Variants in SERAC1 observed in about 807,000 individuals in gnomAD.
SERAC1 encodes the protein protein SERAC1.
SERAC1 carries 36 observed loss-of-function variants against 85.7 expected under a neutral mutation model. That is an observed-to-expected ratio of 0.42 (90% CI 0.32 to 0.55). The LOEUF (loss-of-function observed/expected upper bound fraction) is 0.55. SERAC1 is among the 20% of genes least tolerant of loss of function. SERAC1 has a pLI of 0.11. For synonymous variants in SERAC1, 242 were observed against 265.3 expected, an observed-to-expected ratio of 0.91 and a Z score of 0.85; for missense variants, 629 against 796.2, an observed-to-expected ratio of 0.79 and a Z score of 2.53.
chr6:158,131,240 T>C (rs954940633), intron 8 of SERAC1, among the ~76,000 whole-genome samples: 3 of 149,508 alleles, frequency 2.0e-5, no homozygotes, highest in Non-Finnish European at 4.4e-5. Context: ...GTCATAAACA[T>C]AAAGTTGTTA....
In SERAC1 at chr6:158,113,780, G is replaced by A. The variant is rs114590601; in HGVS notation, c.1685-188C>T. Among the ~76,000 whole-genome samples, 244 of 152,226 alleles carry A rather than the reference G, an allele frequency of 1.6e-3. 1 individual carries two copies. The highest frequency in any genetic ancestry group is 5.6e-3 in the African/African-American group (232 of 41,532). On this transcript the variant is annotated intron_variant, in intron 15 of 16. Transcript: ENST00000647468. ...AAGGAAAAAGCTAAAACCAAGAATC[G>A]ACAGGACAGTCAGCAGCAGGAGAGG...
At chr6:158,140,523 C>T (rs532669971) in intron 8 of SERAC1, among the ~76,000 whole-genome samples, 1 of 152,276 alleles carries the variant, frequency 6.6e-6, no homozygotes, top group South Asian at 2.1e-4. Flanking sequence ...GCTGTCCATC[C>T]CTCTCCTCTG....
rs1784327346 is a variant in SERAC1, at chr6:158,117,790, C to T, written c.1340G>A (p.Arg447Gln). The change falls in exon 13 of 17, where the codon CGA (arginine) becomes CAA (glutamine). Residue 447 changes from arginine to glutamine, a missense_variant. Arg to Gln is a conservative substitution (Grantham distance 43). Coordinates refer to ENST00000647468, the MANE Select transcript of SERAC1 (RefSeq NM_032861.4). This position sits in a 1 kb window ranked among gnomAD's most constrained non-coding sequence, Gnocchi z 4.3. ...GGTGTCATACTCCACAGATATAATT[C>T]GGAGAGCAGGACAGTCTTTTGCTAA... is the stretch of plus-strand genomic sequence containing the variant. ...TWLAKDCPAL[R>Q]IISVEYDTSL... is the part of the protein sequence containing the mutation. 5 of 1,613,890 alleles carry T rather than the reference C, an allele frequency of 3.1e-6. No individual in the cohort carries two copies. The highest frequency in any genetic ancestry group is 1.3e-5 in the African/African-American group (1 of 74,902).
chr6:158,144,496 C>A, intron 6 of SERAC1, 76 bp from the exon 7 acceptor site: 1 of 1,373,258 alleles, frequency 7.3e-7, no homozygotes. Context: ...GAACAAACAA[C>A]TTGAAAGCAC....
rs1784136434 is a variant in SERAC1 at position 158,111,249 on chromosome 6, G to A, written c.*117C>T. The A allele has an allele frequency of 1.0e-6, 1 of 1,005,020 alleles. No homozygotes were observed. Among genetic ancestry groups the A allele is most frequent in the Non-Finnish European group, 1.4e-6 (1 of 694,168 alleles). The allele number at this position is 1,005,020 out of a possible 1,614,324, so 62.3% of individuals were successfully genotyped here. ...GTTCTGTAGTCTGCAACACACTCCA[G>A]ACCATGTTGACGCTATGATCACTAT... On this transcript the variant is annotated 3_prime_UTR_variant, in exon 17 of 17. Transcript: ENST00000647468.
Position 158,119,082 on chromosome 6 carries a change from C to T in SERAC1, c.1255G>A (p.Val419Ile), listed in dbSNP as rs1453031942. 12 of 1,613,914 alleles carry T rather than the reference C, an allele frequency of 7.4e-6. No homozygotes were observed. The highest frequency in any genetic ancestry group is 9.3e-6 in the Non-Finnish European group (11 of 1,179,960). Reference protein sequence around the residue: ...TWRQQDSEQAVIEKPMEDEDR... With the variant: ...TWRQQDSEQAIIEKPMEDEDR... ...TCATCCTCCATAGGTTTTTCAATTACAGCCTGCTCACTGTCCTGCTGGCGC... is the reference window on the plus strand; with the variant it reads ...TCATCCTCCATAGGTTTTTCAATTATAGCCTGCTCACTGTCCTGCTGGCGC... The change falls in exon 12 of 17, where the codon GTA becomes ATA. Residue 419 changes from valine to isoleucine, a missense_variant. Coordinates refer to ENST00000647468, the MANE Select transcript of SERAC1 (RefSeq NM_032861.4). The surrounding 1 kb of genome is among the most constrained non-coding windows in gnomAD (Gnocchi z 4.5).
At chr6:158,116,889 A>G (rs1031329598) in intron 13 of SERAC1, 2 of 152,888 alleles carry the variant, frequency 1.3e-5, no homozygotes, top group African/African-American at 4.8e-5. Flanking sequence ...AGTCAAGTTT[A>G]TTAGCACTTA....
At chr6:158,138,818 A>G (rs905161139) in intron 8 of SERAC1, among the ~76,000 whole-genome samples, 4 of 152,262 alleles carry the variant, frequency 2.6e-5, no homozygotes, top group Non-Finnish European at 5.9e-5. Context: ...ACTTGGCATG[A>G]CAGGGTTGTG....
chr6:158,168,065 TCTCCGCTCCC>T (rs1289610959), intron 1 of SERAC1, 65 bp downstream of exon 1: 1 of 151,960 alleles, frequency 6.6e-6, no homozygotes, highest in African/African-American at 2.4e-5. Context: ...CCCTCCCCAT[TCTCCGCTCCC>T]CACCGCGCCC....
At chr6:158,123,007 CA>C (rs935283839) in intron 10 of SERAC1, among the ~76,000 whole-genome samples, 3 of 151,662 alleles carry the variant, frequency 2.0e-5, no homozygotes, top group Non-Finnish European at 2.9e-5. Flanking sequence ...AATCTGAAGG[CA>C]AAAATCTGCA....
At position 158,143,329 on chromosome 6, in the gene SERAC1, CTCTCTCTCTCTCTCTCTCTATA is replaced by C. The variant is rs1395027105; in HGVS notation, c.610-167_610-146del. On this transcript the variant is annotated intron_variant, in intron 7 of 16. Coordinates refer to ENST00000647468, the MANE Select transcript of SERAC1 (RefSeq NM_032861.4). ...TGTCTCTCTCTCTCTCTCTCTCTCT[CTCTCTCTCTCTCTCTCTCTATA>C]TATATATATATATATATATATATAC... The C allele has an allele frequency of 7.6e-3, 1,667 of 220,002 alleles. 7 individuals are homozygous for C. Among genetic ancestry groups the C allele is most frequent in the Admixed American group, 0.013 (135 of 10,212 alleles). 13.6% of individuals were successfully genotyped at this position (220,002 alleles called of 1,614,324 possible). A position where few individuals can be genotyped will look rare whatever the true frequency, so the allele number is the denominator to read the frequency against.
intron 15 of SERAC1, 109 bp from the exon 16 acceptor site, chr6:158,113,701 G>T: frequency 1.0e-6 from 1 of 1,000,524 alleles, no homozygotes; most frequent in South Asian, 1.7e-5. Flanking sequence ...ATTCAAGACG[G>T]TGGCTTGAGT....
chr6:158,158,785 C>G (rs1010890626), intron 1 of SERAC1: 2 of 154,956 alleles, frequency 1.3e-5, no homozygotes, highest in African/African-American at 4.8e-5. Flanking sequence ...GAAGTCCCCA[C>G]AGAAATGAGA....
chr6:158,114,340 G>A (rs1390340228), intron 15 of SERAC1: 8 of 269,436 alleles, frequency 3.0e-5, no homozygotes, highest in Middle Eastern at 1.7e-3. Flanking sequence ...ATTTAGGCTC[G>A]AGCCAGGGAA....
intron 8 of SERAC1, among the ~76,000 whole-genome samples, chr6:158,142,167 C>CT (rs894334989): frequency 0.012 from 1,685 of 146,064 alleles, 24 homozygotes; most frequent in African/African-American, 0.032. Flanking sequence ...TTTTTCTTTT[C>CT]TTTTTTTTTT....
chr6:158,150,377 GT>G (rs1473973106), intron 4 of SERAC1, 75 bp downstream of exon 4: 1 of 1,208,696 alleles, frequency 8.3e-7, no homozygotes, highest in Non-Finnish European at 1.2e-6. Context: ...CTAATACTGT[GT>G]TTTAAATAGA....
At position 158,117,759 on chromosome 6, in the gene SERAC1, G is replaced by A. The variant is rs1158668237; in HGVS notation, c.1371C>T (p.Leu457=). The A allele has an allele frequency of 1.2e-6, 2 of 1,614,140 alleles. No homozygotes were observed. Among genetic ancestry groups the A allele is most frequent in the Non-Finnish European group, 8.5e-7 (1 of 1,179,998 alleles). Residue 457 remains leucine (L), a synonymous_variant, in exon 13 of 17, where the codon CTC becomes CTT. Transcript: ENST00000647468. The surrounding 1 kb of genome is among the most constrained non-coding windows in gnomAD (Gnocchi z 4.3). The stretch of plus-strand genomic sequence containing the variant: ...TAGGGCACCTTGCTCTCCAGTCGCT[G>A]AGGCTGGTGTCATACTCCACAGATA... ...RIISVEYDTS[L]SDWRARCPME...
At chr6:158,138,828 G>T (rs1003618243) in intron 8 of SERAC1, among the ~76,000 whole-genome samples, 1 of 152,290 alleles carries the variant, frequency 6.6e-6, no homozygotes, top group South Asian at 2.1e-4. Context: ...ACAGGGTTGT[G>T]GTTTCCTAGG....
chr6:158,118,456 TGTAAA>T (rs1410390882), intron 12 of SERAC1, among the ~76,000 whole-genome samples: 3 of 151,892 alleles, frequency 2.0e-5, no homozygotes, highest in Non-Finnish European at 4.4e-5. Context: ...ATCAAAGAAA[TGTAAA>T]GTATTAATTA....
Sources: allele counts gnomAD v4.1 joint callset (sites outside exome capture counted in the v4.1 genomes callset), GRCh38; gene constraint gnomAD v4.1.1; non-coding constraint Gnocchi (gnomAD v3.1); transcripts MANE v1.5; gene names NCBI Gene and HGNC (gene_info 2026-07-23, HGNC 2026-07-21).